Variants in FSTL5 observed in about 807,000 individuals in gnomAD.
The protein encoded by FSTL5 is follistatin-related protein 5.
FSTL5 carries 62 observed loss-of-function variants against 89.1 expected under a neutral mutation model. The ratio of observed to expected loss-of-function variants is 0.70; its 90% CI spans 0.57 to 0.86. The LOEUF is 0.86. FSTL5 is among the 40% of genes least tolerant of loss of function. FSTL5 has a pLI of 0.00. For missense variants in FSTL5, 1,057 were observed against 1,001.6 expected, an observed-to-expected ratio of 1.06 and a Z score of -0.75; for synonymous variants, 383 against 346.2, an observed-to-expected ratio of 1.11 and a Z score of -1.18.
At chr4:161,842,200 G>A (rs1378855877) in intron 4 of FSTL5, among the ~76,000 whole-genome samples, 1 of 152,018 alleles carries the variant, frequency 6.6e-6, no homozygotes, top group Non-Finnish European at 1.5e-5. Flanking sequence ...AATGCTATAG[G>A]CTCATTCCAG....
At chr4:161,935,331 A>G (rs923041321) in intron 3 of FSTL5, among the ~76,000 whole-genome samples, 2 of 152,058 alleles carry the variant, frequency 1.3e-5, no homozygotes, top group African/African-American at 4.8e-5. Flanking sequence ...TAGGTACACA[A>G]CATCAGTGAT....
At chr4:161,669,243 T>G (rs139064931) in intron 6 of FSTL5, among the ~76,000 whole-genome samples, 2,921 of 152,178 alleles carry the variant, frequency 0.019, 80 homozygotes, top group African/African-American at 0.065. Context: ...TCTTTAAATT[T>G]AATGCAATCC....
At chr4:162,000,400 G>A (rs1209079874) in intron 3 of FSTL5, among the ~76,000 whole-genome samples, 1 of 151,972 alleles carries the variant, frequency 6.6e-6, no homozygotes. Flanking sequence ...AGACCAGTCT[G>A]GCCAACATGA....
At chr4:161,414,900 A>G (rs1441669757) in intron 15 of FSTL5, among the ~76,000 whole-genome samples, 1 of 152,178 alleles carries the variant, frequency 6.6e-6, no homozygotes, top group Non-Finnish European at 1.5e-5. Flanking sequence ...TTTGTGACAT[A>G]TTGAATAAGT....
Position 161,697,620 on chromosome 4 carries a change from G to A in FSTL5, c.728-41126C>T, listed in dbSNP as rs191780855. Among the ~76,000 whole-genome samples the A allele has an allele frequency of 1.2e-3, 183 of 152,172 alleles. 3 individuals are homozygous for A. The highest frequency in any genetic ancestry group is 1.7e-3 in the Admixed American group (26 of 15,274). On this transcript the variant is annotated intron_variant, in intron 6 of 15. Coordinates refer to ENST00000306100, the MANE Select transcript of FSTL5 (RefSeq NM_020116.5). ...TCCACGTAAGTGCCGGCCAATGGAC[G>A]AATTAATAAAGAAATTGTGGTATCA...
chr4:161,459,835 T>C (rs1004832350), intron 13 of FSTL5, among the ~76,000 whole-genome samples: 5 of 152,042 alleles, frequency 3.3e-5, no homozygotes, highest in African/African-American at 1.2e-4. Context: ...TAACGAATGA[T>C]CAGCTAGTTA....
At chr4:161,881,345 T>C (rs1301853413) in intron 4 of FSTL5, among the ~76,000 whole-genome samples, 1 of 151,874 alleles carries the variant, frequency 6.6e-6, no homozygotes, top group Non-Finnish European at 1.5e-5. Context: ...ACTACAGTTG[T>C]ATCAATGAAC....
chr4:161,763,360 G>A (rs1437127910), intron 5 of FSTL5, among the ~76,000 whole-genome samples: 2 of 152,180 alleles, frequency 1.3e-5, no homozygotes, highest in Non-Finnish European at 2.9e-5. Flanking sequence ...GAATGTGCCA[G>A]AAGTGGATGT....
At position 161,898,033 on chromosome 4, in the gene FSTL5, A is replaced by G. The variant is rs13107412; in HGVS notation, c.409+22371T>C. On this transcript the variant is annotated intron_variant, in intron 4 of 15. Transcript: ENST00000306100. ...AGCAATATGAATGTAAGGTCTCTCC[A>G]TTTGTCTATTTGTGAATTGACAGCT... Among the ~76,000 whole-genome samples the G allele has an allele frequency of 5.3e-5, 8 of 150,078 alleles. No homozygotes were observed. In the East Asian group the frequency reaches 1.6e-3, roughly 29 times the overall value.
rs151179606 is a variant in FSTL5, at chr4:161,972,368, C to T, written c.161-51716G>A. On this transcript the variant is annotated intron_variant, in intron 3 of 15. Coordinates refer to ENST00000306100, the MANE Select transcript of FSTL5 (RefSeq NM_020116.5). ...GGATTACAAGCGTGAGCCATCACAC[C>T]GCCCCGACATGATTCTTTAATAATG... Among the ~76,000 whole-genome samples, 13 of 152,264 alleles carry T rather than the reference C, an allele frequency of 8.5e-5. No individual in the cohort carries two copies. The East Asian group carries it at 1.7e-3, about 20-fold the overall frequency.
chr4:161,558,538 C>T (rs1732475382), intron 8 of FSTL5, among the ~76,000 whole-genome samples: 1 of 142,620 alleles, frequency 7.0e-6, no homozygotes, highest in African/African-American at 2.6e-5. Flanking sequence ...CCCACTGGAA[C>T]TCTCAAAATG....
chr4:161,713,125 G>GT (rs1738856300), intron 6 of FSTL5, among the ~76,000 whole-genome samples: 1 of 152,142 alleles, frequency 6.6e-6, no homozygotes, highest in South Asian at 2.1e-4. Flanking sequence ...GGTACAGGTG[G>GT]TAAGTCCGAG....
At chr4:161,551,801 G>A (rs1211837049) in intron 8 of FSTL5, among the ~76,000 whole-genome samples, 2 of 151,840 alleles carry the variant, frequency 1.3e-5, no homozygotes, top group Non-Finnish European at 2.9e-5. Context: ...AGCTGAAACT[G>A]GATCCCTTCC....
chr4:162,138,669 A>G (rs1235037589), intron 1 of FSTL5, among the ~76,000 whole-genome samples: 1 of 152,048 alleles, frequency 6.6e-6, no homozygotes, highest in Non-Finnish European at 1.5e-5. Context: ...AATCTGTAAT[A>G]ATTGGAAAGT....
intron 15 of FSTL5, among the ~76,000 whole-genome samples, chr4:161,437,420 C>A (rs754568686): frequency 5.9e-5 from 9 of 151,416 alleles, no homozygotes; most frequent in East Asian, 2.0e-4. Flanking sequence ...ACAAAAAATT[C>A]GCCGGGCGTG....
At chr4:161,512,159 T>C (rs4490416) in intron 10 of FSTL5, among the ~76,000 whole-genome samples, 1 of 151,942 alleles carries the variant, frequency 6.6e-6, no homozygotes, top group Admixed American at 6.6e-5. Flanking sequence ...GTTTTAGGAA[T>C]GGTTGAACTA....
At chr4:161,566,996 A>T (rs1274658072) in intron 8 of FSTL5, among the ~76,000 whole-genome samples, 2 of 152,142 alleles carry the variant, frequency 1.3e-5, no homozygotes, top group African/African-American at 4.8e-5. Context: ...ACAGATGTCA[A>T]TGAATGAAAT....
At chr4:162,000,367 G>A (rs1428308723) in intron 3 of FSTL5, among the ~76,000 whole-genome samples, 1 of 151,960 alleles carries the variant, frequency 6.6e-6, no homozygotes, top group Non-Finnish European at 1.5e-5. Flanking sequence ...AAGGTGGGCG[G>A]ACTTCCTGAG....
chr4:162,050,803 G>A (rs1447337292), intron 2 of FSTL5, among the ~76,000 whole-genome samples: 2 of 151,170 alleles, frequency 1.3e-5, no homozygotes, highest in East Asian at 3.9e-4. Context: ...TCCTTTGATG[G>A]GAAGATATAA....
Sources: gnomAD v4.1 joint callset for allele counts (sites outside exome capture counted in the v4.1 genomes callset) on GRCh38, gnomAD v4.1.1 for gene constraint, MANE v1.5 for transcripts, NCBI Gene and HGNC (gene_info 2026-07-23, HGNC 2026-07-21) for gene names.